The following GRID2 variants were observed in gnomAD, a reference collection of about 807,000 sequenced individuals.
The protein encoded by GRID2 is glutamate receptor ionotropic, delta-2.
In GRID2, 33 loss-of-function variants were observed where a neutral mutation model predicts 114.8. That is an observed-to-expected ratio of 0.29 (90% confidence interval 0.22 to 0.38). The LOEUF is 0.38. Among genes scored for constraint, GRID2 ranks in the 10% least tolerant of loss-of-function variants. The probability of loss-of-function intolerance (pLI) is 1.00; values close to 1 mark genes in which losing one functional copy is unlikely to be tolerated. For synonymous variants in GRID2, 505 were observed against 449.9 expected, an observed-to-expected ratio of 1.12 and a Z score of -1.55; for missense variants, 1,184 against 1,257.7, an observed-to-expected ratio of 0.94 and a Z score of 0.89.
intron 1 of GRID2, among the ~76,000 whole-genome samples, chr4:92,586,358 ACACAC>A (rs1728443072): frequency 2.5e-5 from 1 of 39,728 alleles, no homozygotes; most frequent in Non-Finnish European, 4.8e-5. Flanking sequence ...AAAAATCTAC[ACACAC>A]ACACACACAC....
intron 9 of GRID2, among the ~76,000 whole-genome samples, chr4:93,399,308 T>C (rs1765659963): frequency 6.6e-6 from 1 of 152,116 alleles, no homozygotes. Flanking sequence ...ACCAGGTTAA[T>C]AAAATGGATT....
intron 1 of GRID2, among the ~76,000 whole-genome samples, chr4:92,503,394 A>T (rs1274016837): frequency 6.6e-6 from 1 of 152,152 alleles, no homozygotes; most frequent in Non-Finnish European, 1.5e-5. Flanking sequence ...CACCTCAAAG[A>T]GAGATACAAT....
chr4:93,233,767 ATCT>A (rs1450100112), intron 7 of GRID2, among the ~76,000 whole-genome samples: 5 of 152,264 alleles, frequency 3.3e-5, no homozygotes, highest in South Asian at 4.1e-4. Context: ...TAAGAGGCTA[ATCT>A]TCTTACTTAG....
chr4:92,825,040 TA>T (rs1741588114), intron 2 of GRID2, among the ~76,000 whole-genome samples: 1 of 151,946 alleles, frequency 6.6e-6, no homozygotes, highest in African/African-American at 2.4e-5. Flanking sequence ...TAAAAATACA[TA>T]AAATTTTTTT....
intron 2 of GRID2, among the ~76,000 whole-genome samples, chr4:92,850,763 T>C (rs1416769911): frequency 6.6e-6 from 1 of 151,928 alleles, no homozygotes; most frequent in Non-Finnish European, 1.5e-5. Flanking sequence ...TGTAGAGCTG[T>C]TGAATCGAGA....
Position 93,783,036 on chromosome 4 carries a change from A to G in GRID2, c.221+13586A>G, listed in dbSNP as rs539724057. 2.0e-5 allele frequency among the ~76,000 whole-genome samples: 3 copies of G among 152,342 alleles called. No individual in the cohort carries two copies. In the East Asian group the frequency reaches 5.8e-4, roughly 29 times the overall value. On this transcript the variant is annotated intron_variant, in intron 1 of 1. Coordinates refer to the GRID2 transcript ENST00000637838. ...AATTTGCAGAGGCACATGTTTCTGG[A>G]CTGCAATTAATAAAATATATGGCAT...
chr4:92,680,934 A>G (rs531832091), intron 2 of GRID2, among the ~76,000 whole-genome samples: 1 of 152,330 alleles, frequency 6.6e-6, no homozygotes, highest in East Asian at 1.9e-4. Flanking sequence ...CCAAGGGTCA[A>G]GAGTTACTGA....
chr4:93,493,402 C>G (rs977773532), intron 12 of GRID2, among the ~76,000 whole-genome samples: 1 of 151,792 alleles, frequency 6.6e-6, no homozygotes, highest in Non-Finnish European at 1.5e-5. Flanking sequence ...TACAAGTACT[C>G]TTCTTATTGC....
chr4:92,685,636 A>G (rs1014365214), intron 2 of GRID2, among the ~76,000 whole-genome samples: 1 of 152,114 alleles, frequency 6.6e-6, no homozygotes, highest in African/African-American at 2.4e-5. Context: ...ATTTTATTAA[A>G]TGACAGTACA....
Position 92,782,412 on chromosome 4 carries a change from G to A in GRID2, c.244+192126G>A, listed in dbSNP as rs536046889. On this transcript the variant is annotated intron_variant, in intron 2 of 15. Coordinates refer to ENST00000282020, the MANE Select transcript of GRID2 (RefSeq NM_001510.4). ...TCCATTTTACAAAATCAAGATGATTGAAAACACTTACCTATCCATGTGTTT... is the reference window on the plus strand; with the variant it reads ...TCCATTTTACAAAATCAAGATGATTAAAAACACTTACCTATCCATGTGTTT... Among the ~76,000 whole-genome samples the A allele has an allele frequency of 3.8e-4, 58 of 152,160 alleles. No homozygotes were observed. In the South Asian group the frequency reaches 5.0e-3, roughly 13 times the overall value.
At chr4:92,376,769 C>A (rs149179214) in intron 1 of GRID2, among the ~76,000 whole-genome samples, 8 of 152,276 alleles carry the variant, frequency 5.3e-5, no homozygotes, top group African/African-American at 1.9e-4. Context: ...AGACTCAACA[C>A]CACATGGAAG....
At chr4:93,569,870 C>A (rs1182229269) in intron 13 of GRID2, among the ~76,000 whole-genome samples, 6 of 152,208 alleles carry the variant, frequency 3.9e-5, no homozygotes, top group Admixed American at 6.5e-5. Context: ...CCCGATCTAA[C>A]ATAGAATCCC....
intron 2 of GRID2, among the ~76,000 whole-genome samples, chr4:92,790,760 T>C (rs1469412189): frequency 1.3e-5 from 2 of 151,802 alleles, no homozygotes; most frequent in Non-Finnish European, 2.9e-5. Context: ...AAAATAACCT[T>C]TCTCCTCCTA....
intron 4 of GRID2, among the ~76,000 whole-genome samples, chr4:93,136,365 T>G: frequency 6.6e-6 from 1 of 152,026 alleles, no homozygotes; most frequent in East Asian, 1.9e-4. Context: ...CTAGTAGTGA[T>G]ACTGTTATTC....
At chr4:92,869,662 A>G (rs1026808971) in intron 2 of GRID2, among the ~76,000 whole-genome samples, 3 of 152,168 alleles carry the variant, frequency 2.0e-5, no homozygotes, top group Non-Finnish European at 4.4e-5. Context: ...TTTCTTTTGC[A>G]TTATTCACCA....
At chr4:92,483,328 ACT>A (rs1722708467) in intron 1 of GRID2, among the ~76,000 whole-genome samples, 1 of 151,970 alleles carries the variant, frequency 6.6e-6, no homozygotes, top group Admixed American at 6.6e-5. Context: ...ACAGAGTGAG[ACT>A]CTGTCTCACA....
rs114794599 is a variant in GRID2, at chr4:92,651,714, C to T, written c.244+61428C>T. ...CAGCCCATGAATTGATATATAATCA[C>T]ACATCTGGCCATTTCTCCTTCCAAG... On this transcript the variant is annotated intron_variant, in intron 2 of 15. Transcript: ENST00000282020. 3.6e-4 allele frequency among the ~76,000 whole-genome samples: 55 copies of T among 152,184 alleles called. 2 individuals carry two copies. The highest frequency in any genetic ancestry group is 6.5e-4 in the Non-Finnish European group (44 of 67,996).
chr4:93,061,912 A>C (rs557202643), intron 2 of GRID2, among the ~76,000 whole-genome samples: 1 of 152,238 alleles, frequency 6.6e-6, no homozygotes, highest in South Asian at 2.1e-4. Context: ...GTTAATTCAC[A>C]AATAGGGCTT....
At chr4:92,639,909 TTAAC>T (rs1228822608) in intron 2 of GRID2, among the ~76,000 whole-genome samples, 4 of 151,804 alleles carry the variant, frequency 2.6e-5, no homozygotes, top group African/African-American at 9.7e-5. Flanking sequence ...TATCTGGCAT[TTAAC>T]TACTAAAGAC....
Sources: allele counts gnomAD v4.1 joint callset (sites outside exome capture counted in the v4.1 genomes callset), GRCh38; gene constraint gnomAD v4.1.1; transcripts MANE v1.5; gene names NCBI Gene and HGNC (gene_info 2026-07-23, HGNC 2026-07-21).